The following POU6F2 variants were observed in gnomAD, a reference collection of about 807,000 sequenced individuals.
The protein encoded by POU6F2 is POU domain, class 6, transcription factor 2.
A neutral mutation model predicts 71.3 loss-of-function variants in POU6F2; 31 were observed. The ratio of observed to expected loss-of-function variants is 0.43; its 90% CI spans 0.33 to 0.59. The LOEUF is 0.59. Ranked by LOEUF, POU6F2 falls within the 20% of genes least tolerant of loss-of-function variation. The pLI is 0.04. For missense variants in POU6F2, 783 were observed against 856.8 expected (o/e 0.91, Z 1.07); for synonymous variants, 347 against 355.7 (o/e 0.98, Z 0.27).
chr7:39,450,085 G>A (rs187984816), intron 7 of POU6F2, among the ~76,000 whole-genome samples: 27 of 152,282 alleles, frequency 1.8e-4, no homozygotes, highest in African/African-American at 6.0e-4. Context: ...TTTAAAATGG[G>A]TTTATTTTAT....
At chr7:39,320,979 C>T (rs1222250575) in intron 4 of POU6F2, among the ~76,000 whole-genome samples, 2 of 152,128 alleles carry the variant, frequency 1.3e-5, no homozygotes, top group Non-Finnish European at 1.5e-5. Flanking sequence ...TCGCTTGATC[C>T]CAGGAGGTCG....
At chr7:39,108,652 TC>T (rs1791742334) in intron 2 of POU6F2, among the ~76,000 whole-genome samples, 1 of 152,228 alleles carries the variant, frequency 6.6e-6, no homozygotes, top group Admixed American at 6.5e-5. Context: ...GTGAATGCAT[TC>T]CCCAAGAGGA....
At chr7:39,240,688 A>T (rs1018635784) in intron 4 of POU6F2, among the ~76,000 whole-genome samples, 8 of 152,188 alleles carry the variant, frequency 5.3e-5, no homozygotes, top group African/African-American at 1.9e-4. Flanking sequence ...GTACTAAAAA[A>T]GTATTGCTGC....
intron 1 of POU6F2, among the ~76,000 whole-genome samples, chr7:39,069,195 G>A (rs908969504): frequency 2.6e-5 from 4 of 152,224 alleles, no homozygotes; most frequent in African/African-American, 4.8e-5. Context: ...GCTGCATTGA[G>A]ACAAGGGCTC....
chr7:39,314,201 G>C (rs370316395), intron 4 of POU6F2, among the ~76,000 whole-genome samples: 1 of 152,184 alleles, frequency 6.6e-6, no homozygotes, highest in Non-Finnish European at 1.5e-5. Context: ...CACTCCCGGC[G>C]TGTGGGAGTC....
chr7:39,239,996 A>G (rs1330168902), intron 4 of POU6F2, among the ~76,000 whole-genome samples: 1 of 152,136 alleles, frequency 6.6e-6, no homozygotes, highest in African/African-American at 2.4e-5. Context: ...CACTTCCACT[A>G]TGATGAGAAA....
chr7:39,118,682 C>T (rs1200624536), intron 2 of POU6F2, among the ~76,000 whole-genome samples: 1 of 151,880 alleles, frequency 6.6e-6, no homozygotes, highest in Non-Finnish European at 1.5e-5. Context: ...ACAGGAGTAA[C>T]AGAAGAAGAA....
At chr7:39,339,514 G>A (rs1785861492) in intron 4 of POU6F2, 128 bp from the exon 5 acceptor site, 1 of 1,318,578 alleles carries the variant, frequency 7.6e-7, no homozygotes, top group East Asian at 2.5e-5. Flanking sequence ...ATACCAAAGA[G>A]CTTCAGGGGG....
chr7:39,200,998 G>T (rs978011331), intron 2 of POU6F2, among the ~76,000 whole-genome samples: 1 of 152,054 alleles, frequency 6.6e-6, no homozygotes, highest in Non-Finnish European at 1.5e-5. Flanking sequence ...CTGCACTCTC[G>T]CTGGAGCAAC....
intron 4 of POU6F2, among the ~76,000 whole-genome samples, chr7:39,257,276 A>G (rs1263356655): frequency 3.3e-5 from 5 of 152,220 alleles, no homozygotes; most frequent in Admixed American, 3.3e-4. Context: ...AAATACATGC[A>G]CTTGGAGTTA....
At chr7:38,996,746 C>G (rs1415354554) in intron 1 of POU6F2, among the ~76,000 whole-genome samples, 1 of 152,232 alleles carries the variant, frequency 6.6e-6, no homozygotes, top group Non-Finnish European at 1.5e-5. Context: ...GAAAAAGTGG[C>G]AAAGTTGAGG....
chr7:39,442,971 C>T (rs1788438560), intron 7 of POU6F2, among the ~76,000 whole-genome samples: 1 of 152,154 alleles, frequency 6.6e-6, no homozygotes, highest in African/African-American at 2.4e-5. Flanking sequence ...AAAGGCCTAA[C>T]CAAGAAATGG....
chr7:39,394,057 TAA>T (rs1787127881), intron 5 of POU6F2, among the ~76,000 whole-genome samples: 1 of 152,192 alleles, frequency 6.6e-6, no homozygotes, highest in Non-Finnish European at 1.5e-5. Flanking sequence ...CCCAAATAAA[TAA>T]AAGACTTCCA....
intron 1 of POU6F2, among the ~76,000 whole-genome samples, chr7:39,045,739 C>T (rs1367205183): frequency 1.3e-5 from 2 of 151,884 alleles, no homozygotes; most frequent in Non-Finnish European, 2.9e-5. Flanking sequence ...TACCCCTACC[C>T]CAGGCAACCA....
At chr7:39,210,848 G>T (rs970084467) in intron 4 of POU6F2, among the ~76,000 whole-genome samples, 2 of 152,142 alleles carry the variant, frequency 1.3e-5, no homozygotes, top group Non-Finnish European at 2.9e-5. Context: ...ATTATTCAAA[G>T]TTCATTAGGC....
intron 7 of POU6F2, among the ~76,000 whole-genome samples, chr7:39,437,757 T>C (rs1056961041): frequency 4.6e-5 from 7 of 152,200 alleles, no homozygotes; most frequent in African/African-American, 1.7e-4. Flanking sequence ...TGTGAGCATT[T>C]AGTGGTATAA....
At chr7:39,127,279 T>C (rs1409170904) in intron 2 of POU6F2, among the ~76,000 whole-genome samples, 1 of 152,168 alleles carries the variant, frequency 6.6e-6, no homozygotes, top group Non-Finnish European at 1.5e-5. Flanking sequence ...AAGACAGACA[T>C]GGTGACTCAT....
chr7:39,179,185 G>A (rs961444523), intron 2 of POU6F2, among the ~76,000 whole-genome samples: 1 of 152,192 alleles, frequency 6.6e-6, no homozygotes, highest in Non-Finnish European at 1.5e-5. Context: ...CTTAAGTGCC[G>A]TGGAATGATC....
chr7:39,366,148 G>A (rs1716751662), intron 5 of POU6F2, among the ~76,000 whole-genome samples: 2 of 152,184 alleles, frequency 1.3e-5, no homozygotes. Context: ...ATTGGAGTTT[G>A]AAGTAGTCAC....
Sources: allele counts gnomAD v4.1 joint callset (sites outside exome capture counted in the v4.1 genomes callset), GRCh38; gene constraint gnomAD v4.1.1; transcripts MANE v1.5; gene names NCBI Gene and HGNC (gene_info 2026-07-23, HGNC 2026-07-21).